Variants in TP63 observed in about 807,000 individuals in gnomAD.
TP63 encodes the protein tumor protein 63.
Under a neutral mutation model 82.8 loss-of-function variants are expected in TP63, and 17 were observed. The observed-to-expected ratio is 0.21, with a 90% CI of 0.14 to 0.31. The LOEUF is 0.31. Ranked by LOEUF, TP63 falls within the 10% of genes least tolerant of loss-of-function variation. TP63 has a pLI of 1.00. For missense variants in TP63, 648 were observed against 895.3 expected (o/e 0.72, Z 3.52); for synonymous variants, 330 against 321.7 (o/e 1.03, Z -0.28).
chr3:189,789,648 T>C, intron 3 of TP63: 3 of 1,413,232 alleles, frequency 2.1e-6, no homozygotes, highest in South Asian at 1.7e-5. Context: ...TAGGAAACCT[T>C]AAATTATGTA....
chr3:189,654,407 CTAAT>C (rs1343973245), intron 1 of TP63, among the ~76,000 whole-genome samples: 7 of 152,096 alleles, frequency 4.6e-5, no homozygotes, highest in African/African-American at 1.7e-4. Context: ...TTTAGATTAA[CTAAT>C]TATTTTGTTT....
intron 1 of TP63, among the ~76,000 whole-genome samples, chr3:189,723,486 C>T (rs1045282522): frequency 6.6e-6 from 1 of 152,204 alleles, no homozygotes; most frequent in African/African-American, 2.4e-5. Flanking sequence ...GCTATCGATT[C>T]TCTTATTGAT....
chr3:189,872,573 G>A (rs1718562307), intron 9 of TP63, among the ~76,000 whole-genome samples: 1 of 152,010 alleles, frequency 6.6e-6, no homozygotes, highest in Non-Finnish European at 1.5e-5. Flanking sequence ...GCGCTAAATA[G>A]ACCATGAAAA....
At chr3:189,709,028 A>G (rs897808216) in intron 1 of TP63, among the ~76,000 whole-genome samples, 8 of 152,172 alleles carry the variant, frequency 5.3e-5, no homozygotes, top group Non-Finnish European at 1.0e-4. Flanking sequence ...TATTATCCCC[A>G]TATAGTTAGT....
chr3:189,778,860 G>T (rs1356574590), intron 3 of TP63, among the ~76,000 whole-genome samples: 1 of 152,160 alleles, frequency 6.6e-6, no homozygotes, highest in African/African-American at 2.4e-5. Context: ...AATACTTAAA[G>T]AAGAGAATGT....
At chr3:189,682,281 C>A (rs1715979412) in intron 1 of TP63, among the ~76,000 whole-genome samples, 1 of 151,142 alleles carries the variant, frequency 6.6e-6, no homozygotes, top group African/African-American at 2.4e-5. Flanking sequence ...ATGAAAAATT[C>A]TCAACTTTGC....
intron 9 of TP63, 46 bp downstream of exon 9, chr3:189,869,452 TTGAA>T (rs780279394): frequency 6.7e-7 from 1 of 1,501,696 alleles, no homozygotes; most frequent in African/African-American, 1.4e-5. Context: ...TTAACCTTCT[TTGAA>T]TGGGCTTTTA....
Position 189,896,566 on chromosome 3 carries a change from AC to A in TP63, c.*2067del. ...CTGCAACAAGCATGCAGCTTTGCAA[AC>A]CCATTAAGGGGAAGAATGAAAGCTG... On this transcript the variant is annotated 3_prime_UTR_variant, in exon 14 of 14. Transcript: ENST00000264731. 4.7e-6 allele frequency: 1 copy of A among 211,826 alleles called. No individual in the cohort carries two copies. The highest frequency in any genetic ancestry group is 9.6e-6 in the Non-Finnish European group (1 of 104,158). 13.1% of individuals were successfully genotyped at this position (211,826 alleles called of 1,614,324 possible).
intron 4 of TP63, among the ~76,000 whole-genome samples, chr3:189,842,526 A>G (rs1420605661): frequency 6.6e-6 from 1 of 151,878 alleles, no homozygotes; most frequent in Non-Finnish European, 1.5e-5. Context: ...AAGAATTTTG[A>G]CTCTACAGAT....
chr3:189,609,158 AT>A, the TP63 span, among the ~76,000 whole-genome samples: 1 of 152,130 alleles, frequency 6.6e-6, no homozygotes, highest in African/African-American at 2.4e-5. Flanking sequence ...CTTGAGTATA[AT>A]TTTTTATTAT....
At chr3:189,697,895 C>T (rs897374684) in intron 1 of TP63, among the ~76,000 whole-genome samples, 1 of 64,482 alleles carries the variant, frequency 1.6e-5, no homozygotes, top group Non-Finnish European at 4.0e-5. Flanking sequence ...TATTTTGTGA[C>T]TTTGTTATAG....
At chr3:189,702,013 G>A (rs146182044) in intron 1 of TP63, among the ~76,000 whole-genome samples, 3,791 of 152,256 alleles carry the variant, frequency 0.025, 70 homozygotes, top group Non-Finnish European at 0.041. Context: ...GAGGGCAAAT[G>A]CATTATCTTA....
the TP63 span, among the ~76,000 whole-genome samples, chr3:189,615,861 A>G: frequency 6.6e-6 from 1 of 152,226 alleles, no homozygotes; most frequent in African/African-American, 2.4e-5. Context: ...GAAGGCTGCC[A>G]CTGTCATTTT....
chr3:189,787,400 C>T (rs192023499), intron 3 of TP63, among the ~76,000 whole-genome samples: 103 of 152,196 alleles, frequency 6.8e-4, no homozygotes, highest in African/African-American at 2.5e-3. Flanking sequence ...AGTAACTTGC[C>T]CCAAGGGCAC....
At chr3:189,837,842 C>G (rs898108664) in intron 4 of TP63, among the ~76,000 whole-genome samples, 1 of 151,896 alleles carries the variant, frequency 6.6e-6, no homozygotes, top group African/African-American at 2.4e-5. Flanking sequence ...CCAGGCTGGT[C>G]TGGAACTCCT....
At chr3:189,610,911 C>A in the TP63 span, among the ~76,000 whole-genome samples, 2 of 152,038 alleles carry the variant, frequency 1.3e-5, no homozygotes, top group Non-Finnish European at 2.9e-5. Context: ...TGGCAGCAGG[C>A]AAAAAGAGAG....
At chr3:189,610,680 G>T in the TP63 span, among the ~76,000 whole-genome samples, 1 of 152,068 alleles carries the variant, frequency 6.6e-6, no homozygotes, top group African/African-American at 2.4e-5. Flanking sequence ...TCTGCCTGTT[G>T]CCCGGTTCCA....
In TP63 at chr3:189,825,285, G is replaced by A. The variant is rs1381482454; in HGVS notation, c.579+16759G>A. Among the ~76,000 whole-genome samples, 6 of 152,164 alleles carry A rather than the reference G, an allele frequency of 3.9e-5. 1 individual carries two copies. Among genetic ancestry groups the A allele is most frequent in the South Asian group, 4.1e-4 (2 of 4,830 alleles). On this transcript the variant is annotated intron_variant, in intron 4 of 13. Transcript: ENST00000264731. ...TATAATAGGCATATACATTCACAGC[G>A]TGGTGGCTAAACTATACACCCTGTT...
At chr3:189,636,795 T>C (rs1047147744) in intron 1 of TP63, among the ~76,000 whole-genome samples, 2 of 152,036 alleles carry the variant, frequency 1.3e-5, no homozygotes, top group Non-Finnish European at 2.9e-5. Context: ...AATCAAGGAA[T>C]AAATCTTTGC....
Sources: allele counts gnomAD v4.1 joint callset (sites outside exome capture counted in the v4.1 genomes callset), GRCh38; gene constraint gnomAD v4.1.1; transcripts MANE v1.5; gene names NCBI Gene and HGNC (gene_info 2026-07-23, HGNC 2026-07-21).